TRIM37: variants seen among roughly 807,000 people sequenced by gnomAD.
The protein encoded by TRIM37 is E3 ubiquitin-protein ligase TRIM37.
Under a neutral mutation model 129.8 loss-of-function variants are expected in TRIM37, and 80 were observed. The ratio of observed to expected loss-of-function variants is 0.62; its 90% CI spans 0.51 to 0.74. TRIM37 has a LOEUF of 0.74. TRIM37 is among the 30% of genes least tolerant of loss of function. The probability of loss-of-function intolerance (pLI) is 0.00; values close to 1 mark genes in which losing one functional copy is unlikely to be tolerated. For missense variants in TRIM37, 1,054 were observed against 1,176.5 expected (o/e 0.90, Z 1.52); for synonymous variants, 389 against 387.1 (o/e 1.00, Z -0.06).
chr17:59,075,784 G>A (rs1326471743), intron 7 of TRIM37, 70 bp from the exon 8 acceptor site: 3 of 1,187,278 alleles, frequency 2.5e-6, no homozygotes, highest in African/African-American at 3.0e-5. Context: ...AACTTCCAAT[G>A]AACATATTTA....
chr17:59,092,861 T>C (rs1960810315), intron 2 of TRIM37, among the ~76,000 whole-genome samples: 1 of 151,982 alleles, frequency 6.6e-6, no homozygotes, highest in Admixed American at 6.6e-5. Flanking sequence ...GCAAAGAAAA[T>C]AAAGCTGAAA....
downstream of TRIM37, among the ~76,000 whole-genome samples, chr17:58,996,047 T>C (rs1191855922): frequency 6.6e-6 from 1 of 152,078 alleles, no homozygotes; most frequent in African/African-American, 2.4e-5. Flanking sequence ...GGTATCTGCA[T>C]AGTTTCAAAG....
the TRIM37 span, among the ~76,000 whole-genome samples, chr17:58,972,537 G>C: frequency 2.0e-5 from 3 of 152,098 alleles, no homozygotes; most frequent in Non-Finnish European, 4.4e-5. Flanking sequence ...TTTTAGTAGA[G>C]ACGGGGTTTC....
chr17:59,106,052 G>A (rs1016649905), intron 1 of TRIM37, among the ~76,000 whole-genome samples: 1 of 152,216 alleles, frequency 6.6e-6, no homozygotes, highest in Non-Finnish European at 1.5e-5. Context: ...GAGAGGGAAA[G>A]ATGACTATCC....
rs199714666 is a variant in TRIM37 at position 59,056,922 on chromosome 17, G to A, written c.1152C>T (p.Leu384=). ...GTGGATTCAAGTATCCTTCATTTGC[G>A]AGTAAGTCCAAACGGAAAAATCTAT... is the stretch of plus-strand genomic sequence containing the variant. ...GYNRFFRLDL[L]ANEGYLNPQN... The change falls in exon 13 of 24, where the codon CTC becomes CTT. Residue 384 remains leucine, a synonymous_variant. Transcript: ENST00000262294. 69 of 1,613,378 alleles carry A rather than the reference G, an allele frequency of 4.3e-5. No homozygotes were observed. Among genetic ancestry groups the A allele is most frequent in the East Asian group, 1.6e-4 (7 of 44,808 alleles).
chr17:58,970,049 C>T, the TRIM37 span, among the ~76,000 whole-genome samples: 15 of 152,294 alleles, frequency 9.8e-5, no homozygotes, highest in African/African-American at 3.4e-4. Context: ...GACCATCTCT[C>T]TAAGCAGACT....
chr17:59,082,377 G>T (rs2043378003), intron 5 of TRIM37, among the ~76,000 whole-genome samples: 1 of 152,150 alleles, frequency 6.6e-6, no homozygotes. Context: ...AGATTTACAG[G>T]ATCAGCTGCT....
chr17:59,097,776 C>T (rs1470899833), intron 2 of TRIM37, among the ~76,000 whole-genome samples: 1 of 152,092 alleles, frequency 6.6e-6, no homozygotes, highest in South Asian at 2.1e-4. Context: ...TGCAAAACTA[C>T]AATACACTGC....
intron 8 of TRIM37, among the ~76,000 whole-genome samples, chr17:59,073,638 G>A (rs191637782): frequency 2.3e-4 from 35 of 152,226 alleles, no homozygotes; most frequent in African/African-American, 7.5e-4. Flanking sequence ...CTTCCCAGGC[G>A]AGCGCCGTGG....
At chr17:58,970,857 C>T in the TRIM37 span, among the ~76,000 whole-genome samples, 21 of 152,150 alleles carry the variant, frequency 1.4e-4, no homozygotes, top group South Asian at 8.3e-4. Context: ...GGACAAGGGC[C>T]GGCCCCTGAG....
intron 16 of TRIM37, among the ~76,000 whole-genome samples, chr17:59,043,206 G>A (rs2039440675): frequency 6.6e-6 from 1 of 152,140 alleles, no homozygotes; most frequent in African/African-American, 2.4e-5. Context: ...ACCAGTCAAT[G>A]ACAGTCTTGG....
intron 16 of TRIM37, among the ~76,000 whole-genome samples, chr17:59,044,568 A>T (rs879513818): frequency 3.9e-5 from 6 of 152,206 alleles, no homozygotes; most frequent in South Asian, 2.1e-4. Flanking sequence ...GTCTCAAAAA[A>T]AAATAAATAA....
chr17:59,058,431 T>C (rs557337513), intron 12 of TRIM37, among the ~76,000 whole-genome samples: 1 of 152,118 alleles, frequency 6.6e-6, no homozygotes, highest in Non-Finnish European at 1.5e-5. Context: ...AACTATTGGG[T>C]ACTGGGCTTA....
intron 2 of TRIM37, among the ~76,000 whole-genome samples, chr17:59,103,650 G>GTTTT (rs768853417): frequency 8.4e-6 from 1 of 118,974 alleles, no homozygotes; most frequent in Non-Finnish European, 1.8e-5. Context: ...CAACATTCAA[G>GTTTT]TTTTTTTTTT....
chr17:59,088,663 CA>C (rs1051942024), intron 3 of TRIM37, among the ~76,000 whole-genome samples: 7 of 151,836 alleles, frequency 4.6e-5, no homozygotes, highest in Non-Finnish European at 1.0e-4. Context: ...ACTACAGCAG[CA>C]CACCATCAAA....
chr17:58,975,745 T>C, the TRIM37 span, among the ~76,000 whole-genome samples: 1 of 152,268 alleles, frequency 6.6e-6, no homozygotes, highest in East Asian at 1.9e-4. Context: ...AGTCTGGACT[T>C]TACCAGGTGA....
intron 10 of TRIM37, 59 bp from the exon 11 acceptor site, chr17:59,062,707 G>T (rs937322835): frequency 1.5e-5 from 21 of 1,448,038 alleles, no homozygotes; most frequent in Non-Finnish European, 1.8e-5. Flanking sequence ...AATGGCAACA[G>T]GCAAAAAGAA....
At chr17:59,019,823 G>A (rs555648701) in intron 19 of TRIM37, among the ~76,000 whole-genome samples, 1 of 152,292 alleles carries the variant, frequency 6.6e-6, no homozygotes, top group South Asian at 2.1e-4. Context: ...TGGAGTTCTA[G>A]GGAGAGGGTT....
At position 59,012,310 on chromosome 17, in the gene TRIM37, A is replaced by G. The variant is rs905752311; in HGVS notation, c.2695+18T>C. 6.5e-7 allele frequency: 1 copy of G among 1,529,622 alleles called. No homozygotes were observed. Among genetic ancestry groups the G allele is most frequent in the South Asian group, 1.1e-5 (1 of 89,602 alleles). 94.8% of individuals were successfully genotyped at this position (1,529,622 alleles called of 1,614,324 possible). A position where few individuals can be genotyped will look rare whatever the true frequency, so the allele number is the denominator to read the frequency against. ...GAATTCTCATTTCCTGCTTACTTATAAGTTTATCATTCCTTACCTTCTTCA... is the reference window on the plus strand; with the variant it reads ...GAATTCTCATTTCCTGCTTACTTATGAGTTTATCATTCCTTACCTTCTTCA... On this transcript the variant is annotated intron_variant, in intron 22 of 23. Coordinates refer to ENST00000262294, the MANE Select transcript of TRIM37 (RefSeq NM_015294.6).
Sources: allele counts gnomAD v4.1 joint callset (sites outside exome capture counted in the v4.1 genomes callset), GRCh38; gene constraint gnomAD v4.1.1; transcripts MANE v1.5; gene names NCBI Gene and HGNC (gene_info 2026-07-23, HGNC 2026-07-21).